The following AMN1 variants were observed in gnomAD, a reference collection of about 807,000 sequenced individuals.
The protein encoded by AMN1 is protein AMN1 homolog.
Under a neutral mutation model 33.0 loss-of-function variants are expected in AMN1, and 20 were observed. The ratio of observed to expected loss-of-function variants is 0.61; its 90% CI spans 0.43 to 0.88. The LOEUF (loss-of-function observed/expected upper bound fraction) is 0.88, where lower values mean the gene tolerates loss of function less well. Ranked by LOEUF, AMN1 falls within the 40% of genes least tolerant of loss-of-function variation. The pLI is 0.00. For missense variants in AMN1, 246 were observed against 307.4 expected (o/e 0.80, Z 1.49); for synonymous variants, 114 against 111.9 (o/e 1.02, Z -0.12).
intron 2 of AMN1, among the ~76,000 whole-genome samples, chr12:31,702,898 G>C (rs1939070226): frequency 6.6e-6 from 1 of 152,066 alleles, no homozygotes; most frequent in African/African-American, 2.4e-5. Flanking sequence ...CACCACGCCT[G>C]GCTAATTTTG....
chr12:31,716,214 T>C (rs976046363), intron 1 of AMN1, among the ~76,000 whole-genome samples: 25 of 152,238 alleles, frequency 1.6e-4, no homozygotes, highest in Non-Finnish European at 4.4e-5. Context: ...TCATGTCCAT[T>C]TTCACTAACG....
At chr12:31,697,669 G>A (rs1421316342) in intron 4 of AMN1, 71 bp downstream of exon 4, 6 of 1,477,910 alleles carry the variant, frequency 4.1e-6, no homozygotes, top group Non-Finnish European at 5.7e-6. Flanking sequence ...CTTATGATAT[G>A]TTCTCATTAG....
rs1476283729 is a variant in AMN1 at position 31,687,727 on chromosome 12, G to A, written c.703+1280C>T. ...AATAATTGGAATAATTATTTAGACT[G>A]TAATAAGAAAAATGAGCTGGAAGGA... On this transcript the variant is annotated intron_variant, in intron 6 of 6. Transcript: ENST00000281471. This position sits in a 1 kb window ranked among gnomAD's most constrained non-coding sequence, Gnocchi z 4.1. 6.6e-6 allele frequency among the ~76,000 whole-genome samples: 1 copy of A among 151,826 alleles called. No homozygotes were observed. The highest frequency in any genetic ancestry group is 2.4e-5 in the African/African-American group (1 of 41,302).
intron 2 of AMN1, chr12:31,708,940 G>A (rs568013065): frequency 2.6e-6 from 1 of 380,886 alleles, no homozygotes; most frequent in East Asian, 7.5e-5. Context: ...CATTTTGAGA[G>A]GCTGAGGCGG....
chr12:31,677,297 C>T (rs1470509593), intron 6 of AMN1, among the ~76,000 whole-genome samples: 1 of 151,986 alleles, frequency 6.6e-6, no homozygotes, highest in Non-Finnish European at 1.5e-5. Context: ...GAGACTCCGT[C>T]TCAAAAAAAA....
chr12:31,681,371 G>C (rs1040229034), intron 6 of AMN1, among the ~76,000 whole-genome samples: 2 of 152,086 alleles, frequency 1.3e-5, no homozygotes, highest in Non-Finnish European at 2.9e-5. Context: ...TGGAATTACA[G>C]GCATACATCA....
intron 6 of AMN1, among the ~76,000 whole-genome samples, chr12:31,677,977 T>C (rs1255142378): frequency 2.6e-5 from 4 of 152,124 alleles, no homozygotes; most frequent in African/African-American, 9.7e-5. Context: ...AAAAGGAAGG[T>C]CACACAGAAA....
chr12:31,674,791 G>A (rs1468185949), intron 6 of AMN1, among the ~76,000 whole-genome samples: 9 of 152,088 alleles, frequency 5.9e-5, no homozygotes, highest in Non-Finnish European at 8.8e-5. Flanking sequence ...GGCTGAGGGC[G>A]GATCACCTGA....
chr12:31,700,278 G>A (rs1424260280), intron 3 of AMN1, among the ~76,000 whole-genome samples: 5 of 152,068 alleles, frequency 3.3e-5, no homozygotes, highest in Non-Finnish European at 7.4e-5. Flanking sequence ...TGGGAGGATC[G>A]CTTGAGCCTG....
At chr12:31,700,530 C>T (rs1938946760) in intron 3 of AMN1, among the ~76,000 whole-genome samples, 1 of 151,924 alleles carries the variant, frequency 6.6e-6, no homozygotes, top group African/African-American at 2.4e-5. Context: ...TAGGAGAGTA[C>T]CTAGTAAATT....
intron 2 of AMN1, among the ~76,000 whole-genome samples, chr12:31,708,337 G>T (rs978701033): frequency 2.0e-5 from 3 of 152,106 alleles, no homozygotes; most frequent in African/African-American, 7.2e-5. Flanking sequence ...TGTCCTATGC[G>T]GTTGAGATAA....
At chr12:31,673,696 T>C in intron 6 of AMN1, 1 of 402,264 alleles carries the variant, frequency 2.5e-6, no homozygotes, top group Non-Finnish European at 4.9e-6. Flanking sequence ...GACAAGGATC[T>C]TTTATTAATG....
At chr12:31,675,266 A>C (rs1263696525) in intron 6 of AMN1, among the ~76,000 whole-genome samples, 1 of 151,570 alleles carries the variant, frequency 6.6e-6, no homozygotes, top group Non-Finnish European at 1.5e-5. Context: ...AAAGAAATTT[A>C]AAAATTAGCT....
Position 31,672,344 on chromosome 12 carries a change from C to G in AMN1, c.737G>C (p.Gly246Ala). The change falls in exon 7 of 7, where the codon GGC (glycine) becomes GCC (alanine). Residue 246 changes from glycine (G) to alanine (A), a missense_variant. By Grantham distance (60) the Gly-to-Ala change is moderately conservative. Transcript: ENST00000281471. ...HSREVLEQLV[G>A]PNKLKQVTWT... ...TGTCACTTGCTTTAGTTTGTTTGGG[C>G]CTACTAATTGCTCCAACACTTCTCG... is the stretch of plus-strand genomic sequence containing the variant. 1 of 1,579,204 alleles carries G rather than the reference C, an allele frequency of 6.3e-7. No homozygotes were observed. The highest frequency in any genetic ancestry group is 1.2e-5 in the South Asian group (1 of 86,340).
intron 1 of AMN1, among the ~76,000 whole-genome samples, chr12:31,728,697 C>A (rs1940180988): frequency 6.6e-6 from 1 of 152,208 alleles, no homozygotes; most frequent in Non-Finnish European, 1.5e-5. Context: ...CAGTAACAGC[C>A]GGGGCGCCGA....
At chr12:31,704,916 G>A (rs1346528231) in intron 2 of AMN1, among the ~76,000 whole-genome samples, 2 of 152,116 alleles carry the variant, frequency 1.3e-5, no homozygotes, top group Admixed American at 6.6e-5. Flanking sequence ...TGTGGATGGT[G>A]GAAAAGTGAA....
At chr12:31,674,472 C>T (rs1449145108) in intron 6 of AMN1, among the ~76,000 whole-genome samples, 5 of 151,882 alleles carry the variant, frequency 3.3e-5, no homozygotes, top group Admixed American at 2.6e-4. Context: ...CTATGGTCCT[C>T]TCTCCTTCTA....
intron 6 of AMN1, among the ~76,000 whole-genome samples, chr12:31,681,968 C>T (rs1938036424): frequency 1.3e-5 from 2 of 152,166 alleles, no homozygotes; most frequent in African/African-American, 4.8e-5. Context: ...TGAGCCACCG[C>T]ACCCTGACAC....
At chr12:31,712,497 T>G (rs1374552578) in intron 1 of AMN1, among the ~76,000 whole-genome samples, 1 of 152,028 alleles carries the variant, frequency 6.6e-6, no homozygotes, top group African/African-American at 2.4e-5. Context: ...CTGCCTGCCT[T>G]GGCCTCCCAA....
Sources: allele counts gnomAD v4.1 joint callset (sites outside exome capture counted in the v4.1 genomes callset), GRCh38; gene constraint gnomAD v4.1.1; non-coding constraint Gnocchi (gnomAD v3.1); transcripts MANE v1.5; gene names NCBI Gene and HGNC (gene_info 2026-07-23, HGNC 2026-07-21).